The following MBD5 variants were observed in gnomAD, a reference collection of about 807,000 sequenced individuals.
MBD5 encodes the protein methyl-CpG-binding domain protein 5.
Under a neutral mutation model 117.3 loss-of-function variants are expected in MBD5, and 13 were observed. That is an observed-to-expected ratio of 0.11 (90% CI 0.07 to 0.18). The LOEUF is 0.18. Among genes scored for constraint, MBD5 ranks in the 10% least tolerant of loss-of-function variants. MBD5 has a pLI of 1.00. For synonymous variants in MBD5, 727 were observed against 766.4 expected (o/e 0.95, Z 0.85); for missense variants, 1,879 against 2,093.8 (o/e 0.90, Z 2.00).
At chr2:148,261,937 C>A (rs907382921) in intron 3 of MBD5, among the ~76,000 whole-genome samples, 2 of 152,114 alleles carry the variant, frequency 1.3e-5, no homozygotes, top group African/African-American at 2.4e-5. Flanking sequence ...GGGGGAACAG[C>A]CGGATTCTGT....
chr2:148,312,715 A>G (rs900538840), intron 3 of MBD5, among the ~76,000 whole-genome samples: 9 of 151,998 alleles, frequency 5.9e-5, no homozygotes, highest in African/African-American at 2.2e-4. Flanking sequence ...TTGTGATCCT[A>G]TGGAGGAGAA....
intron 4 of MBD5, among the ~76,000 whole-genome samples, chr2:148,416,027 A>AGG: frequency 6.6e-6 from 1 of 152,190 alleles, no homozygotes; most frequent in African/African-American, 2.4e-5. Flanking sequence ...TTTGGAGGTA[A>AGG]GAAGATGCTC....
At chr2:148,494,042 C>T (rs1394930191) in intron 11 of MBD5, among the ~76,000 whole-genome samples, 1 of 152,144 alleles carries the variant, frequency 6.6e-6, no homozygotes, top group Non-Finnish European at 1.5e-5. Context: ...CAGTGAAATA[C>T]TGTAGATTAT....
In MBD5 at chr2:148,399,432, A is replaced by C. The variant is rs578220988; in HGVS notation, c.-557+57096A>C. Among the ~76,000 whole-genome samples the C allele has an allele frequency of 6.8e-3, 1,029 of 152,054 alleles. 9 individuals carry two copies. The highest frequency in any genetic ancestry group is 0.021 in the African/African-American group (855 of 41,448). On this transcript the variant is annotated intron_variant, in intron 4 of 13. Coordinates refer to ENST00000642680, the MANE Select transcript of MBD5 (RefSeq NM_001378120.1). The stretch of plus-strand genomic sequence containing the variant: ...TTGAAGCAATTGTGAATGGGAGTTC[A>C]CTCATGATTTGGCTCTCTGTTTGTC...
intron 1 of MBD5, among the ~76,000 whole-genome samples, chr2:148,130,521 TTGGA>T (rs963848940): frequency 5.3e-5 from 8 of 151,158 alleles, no homozygotes; most frequent in African/African-American, 1.9e-4. Context: ...AACATTTGTA[TTGGA>T]TGGTCTAACA....
At chr2:148,462,973 A>C (rs1357809940) in intron 6 of MBD5, among the ~76,000 whole-genome samples, 2 of 152,108 alleles carry the variant, frequency 1.3e-5, no homozygotes, top group Non-Finnish European at 1.5e-5. Flanking sequence ...TCGGCATTTA[A>C]TAGTGCAATA....
intron 4 of MBD5, among the ~76,000 whole-genome samples, chr2:148,417,288 C>CTTTTTTTTTT (rs745409695): frequency 9.4e-3 from 864 of 91,716 alleles, no homozygotes; most frequent in East Asian, 0.014. Flanking sequence ...ATGCACAGCT[C>CTTTTTTTTTT]TTTTTTTTTT....
chr2:148,053,833 T>C (rs1344008870), intron 1 of MBD5: 1 of 152,066 alleles, frequency 6.6e-6, no homozygotes, highest in Non-Finnish European at 1.5e-5. Context: ...TTATTTGCTG[T>C]TAGGAATACT....
intron 3 of MBD5, among the ~76,000 whole-genome samples, chr2:148,277,417 A>C (rs1258772882): frequency 6.6e-6 from 1 of 152,164 alleles, no homozygotes; most frequent in Non-Finnish European, 1.5e-5. Context: ...CATATAATAC[A>C]AACAAATATA....
intron 12 of MBD5, among the ~76,000 whole-genome samples, chr2:148,507,774 A>G (rs1682085288): frequency 6.6e-6 from 1 of 152,060 alleles, no homozygotes; most frequent in African/African-American, 2.4e-5. Flanking sequence ...AAAAAAAAAA[A>G]AAATTCTTGG....
At position 148,407,183 on chromosome 2, in the gene MBD5, G is replaced by A. The variant is rs187584135; in HGVS notation, c.-556-51020G>A. Among the ~76,000 whole-genome samples, 455 of 152,136 alleles carry A rather than the reference G, an allele frequency of 3.0e-3. 3 individuals are homozygous for A. Among genetic ancestry groups the A allele is most frequent in the African/African-American group, 0.01 (433 of 41,508 alleles). On this transcript the variant is annotated intron_variant, in intron 4 of 13. Coordinates refer to ENST00000642680, the MANE Select transcript of MBD5 (RefSeq NM_001378120.1). ...CAATAACTCTTATGAATCTATTTTC[G>A]AATAAGATGAAAAAGATGAACATAA...
chr2:148,097,682 C>T (rs1696104471), intron 1 of MBD5, among the ~76,000 whole-genome samples: 1 of 152,166 alleles, frequency 6.6e-6, no homozygotes, highest in African/African-American at 2.4e-5. Flanking sequence ...TGGAAGCCAG[C>T]CTGGGCAATG....
intron 3 of MBD5, among the ~76,000 whole-genome samples, chr2:148,284,459 G>A (rs1403233369): frequency 6.6e-6 from 1 of 152,144 alleles, no homozygotes; most frequent in Non-Finnish European, 1.5e-5. Flanking sequence ...AAGAAACCTG[G>A]TGGCCGTGTT....
chr2:148,250,686 G>A (rs1700444231), intron 3 of MBD5, among the ~76,000 whole-genome samples: 2 of 152,124 alleles, frequency 1.3e-5, no homozygotes, highest in South Asian at 4.2e-4. Flanking sequence ...AGTTTTATGT[G>A]CTAGTCATTA....
intron 4 of MBD5, among the ~76,000 whole-genome samples, chr2:148,417,295 T>G (rs997101709): frequency 8.1e-5 from 12 of 147,750 alleles, no homozygotes; most frequent in Non-Finnish European, 1.8e-4. Flanking sequence ...GCTCTTTTTT[T>G]TTTTTTTTTT....
At chr2:148,428,768 G>A (rs1347797560) in intron 4 of MBD5, among the ~76,000 whole-genome samples, 2 of 152,126 alleles carry the variant, frequency 1.3e-5, no homozygotes, top group Admixed American at 1.3e-4. Context: ...TTAATAAATG[G>A]TGTTGGGAAA....
At chr2:148,068,661 T>C (rs1464349233) in intron 1 of MBD5, 2 of 152,230 alleles carry the variant, frequency 1.3e-5, no homozygotes, top group Non-Finnish European at 2.9e-5. Flanking sequence ...TCAAATATTC[T>C]CCTGATCATG....
chr2:148,144,082 A>G (rs1416121329), intron 1 of MBD5, among the ~76,000 whole-genome samples: 4 of 152,072 alleles, frequency 2.6e-5, no homozygotes, highest in Non-Finnish European at 4.4e-5. Context: ...AAGTGTTCCT[A>G]TTTCTCCACA....
At chr2:148,504,652 T>C (rs1681976114) in intron 12 of MBD5, among the ~76,000 whole-genome samples, 1 of 152,170 alleles carries the variant, frequency 6.6e-6, no homozygotes, top group Admixed American at 6.5e-5. Context: ...ATATATACTA[T>C]ATTTTTGGGT....
Sources: allele counts gnomAD v4.1 joint callset (sites outside exome capture counted in the v4.1 genomes callset), GRCh38; gene constraint gnomAD v4.1.1; transcripts MANE v1.5; gene names NCBI Gene and HGNC (gene_info 2026-07-23, HGNC 2026-07-21).